ARHGEF18: variants seen among roughly 807,000 people sequenced by gnomAD.
ARHGEF18 encodes the protein rho guanine nucleotide exchange factor 18.
ARHGEF18 carries 93 observed loss-of-function variants against 155.7 expected under a neutral mutation model. The observed-to-expected ratio is 0.60, with a 90% CI of 0.50 to 0.71. The LOEUF is 0.71. Ranked by LOEUF, ARHGEF18 falls within the 30% of genes least tolerant of loss-of-function variation. The pLI is 0.00. For missense variants in ARHGEF18, 1,593 were observed against 1,816.1 expected, an observed-to-expected ratio of 0.88 and a Z score of 2.23; for synonymous variants, 742 against 753.1, an observed-to-expected ratio of 0.99 and a Z score of 0.24.
chr19:7,418,421 A>C (rs1180053490), intron 10 of ARHGEF18, among the ~76,000 whole-genome samples: 1 of 151,824 alleles, frequency 6.6e-6, no homozygotes, highest in African/African-American at 2.4e-5. Flanking sequence ...ATGCTTGACT[A>C]ATTTTTTACT....
chr19:7,470,181 C>T lies in ARHGEF18; in HGVS notation c.3969C>T (p.Phe1323=). The T allele has an allele frequency of 1.2e-6, 2 of 1,612,172 alleles. No individual in the cohort carries two copies. Among genetic ancestry groups the T allele is most frequent in the South Asian group, 1.1e-5 (1 of 91,056 alleles). The stretch of plus-strand genomic sequence containing the variant: ...CAGCTGACAGCCCCTCCGAGGGCTT[C>T]TCTCTCAAGGCCGGGGGCACAGCCC... ...PPPADSPSEG[F]SLKAGGTALL... is the part of the protein sequence containing the mutation. Residue 1323 remains phenylalanine, a synonymous_variant, in exon 29 of 29, where the codon TTC becomes TTT. Coordinates refer to ENST00000668164, the MANE Select transcript of ARHGEF18 (RefSeq NM_001367823.1). This position sits in a 1 kb window ranked among gnomAD's most constrained non-coding sequence, Gnocchi z 5.9.
rs1279086371 is a variant in ARHGEF18 at position 7,385,870 on chromosome 19, TCCC to T, written c.967+2671_967+2673del. Among the ~76,000 whole-genome samples the T allele has an allele frequency of 2.5e-3, 73 of 29,552 alleles. 7 individuals are homozygous for T. The highest frequency in any genetic ancestry group is 0.012 in the African/African-American group (61 of 5,286). 19.4% of individuals were successfully genotyped at this position (29,552 alleles called of 152,430 possible). On this transcript the variant is annotated intron_variant, in intron 10 of 28. Coordinates refer to ENST00000668164, the MANE Select transcript of ARHGEF18 (RefSeq NM_001367823.1). ...CTCTCTCTCTCTCTCTCTCTCTCTC[TCCC>T]CCCTCCCTCTCTCCCTCCCTCCCTC...
rs1974848871 is a variant in ARHGEF18 at position 7,444,196 on chromosome 19, C to A, written c.1361-8C>A. ...CATGGCTAAGTCCTGCCGTCTGTGT[C>A]CCTGCAGAGCTGATGCAGACAGAGG... On this transcript the variant is annotated splice_polypyrimidine_tract_variant and splice_region_variant and intron_variant, in intron 13 of 28. Transcript: ENST00000668164. The surrounding 1 kb of genome is among the most constrained non-coding windows in gnomAD (Gnocchi z 4.7). 5 of 1,610,302 alleles carry A rather than the reference C, an allele frequency of 3.1e-6. No individual in the cohort carries two copies. Among genetic ancestry groups the A allele is most frequent in the Non-Finnish European group, 4.2e-6 (5 of 1,177,678 alleles).
intron 27 of ARHGEF18, among the ~76,000 whole-genome samples, 189 bp from the exon 28 acceptor site, chr19:7,469,715 G>A (rs1021560203): frequency 2.2e-4 from 33 of 152,148 alleles, no homozygotes; most frequent in African/African-American, 7.5e-4. Flanking sequence ...AGGTCCTTCC[G>A]CAGGGAGGTT....
chr19:7,385,818 GATCTATCTCTCTCT>G lies in ARHGEF18; in HGVS notation c.967+2620_967+2633del, dbSNP rs1319210322. ...TTCAAAATTTCTATTTTAGAGATAGGATCTATCTCTCTCTATCTCTCTCTCTCTCTCTCTCTCTC... is the reference window on the plus strand; with the variant it reads ...TTCAAAATTTCTATTTTAGAGATAGGATCTCTCTCTCTCTCTCTCTCTCTC... On this transcript the variant is annotated intron_variant, in intron 10 of 28. Coordinates refer to ENST00000668164, the MANE Select transcript of ARHGEF18 (RefSeq NM_001367823.1). Among the ~76,000 whole-genome samples, 381 of 97,636 alleles carry G rather than the reference GATCTATCTCTCTCT, an allele frequency of 3.9e-3. 32 individuals carry two copies. Among genetic ancestry groups the G allele is most frequent in the African/African-American group, 0.018 (335 of 19,050 alleles). The allele number at this position is 97,636 out of a possible 152,430, so 64.1% of individuals were successfully genotyped here. A position where few individuals can be genotyped will look rare whatever the true frequency, so the allele number is the denominator to read the frequency against.
intron 8 of ARHGEF18, 115 bp downstream of exon 8, chr19:7,381,109 G>T: frequency 2.8e-6 from 2 of 722,030 alleles, no homozygotes; most frequent in South Asian, 7.4e-5. Context: ...GCCCCCATCA[G>T]GGCAATGGTG....
At chr19:7,445,878 C>G (rs2145801743) in intron 14 of ARHGEF18, among the ~76,000 whole-genome samples, 1 of 152,252 alleles carries the variant, frequency 6.6e-6, no homozygotes, top group South Asian at 2.1e-4. Context: ...CTGCCTCAGT[C>G]TCCCAAACTG....
At chr19:7,446,982 A>G (rs1975039711) in intron 14 of ARHGEF18, 61 bp from the exon 15 acceptor site, 3 of 1,575,746 alleles carry the variant, frequency 1.9e-6, no homozygotes, top group Admixed American at 1.9e-5. Flanking sequence ...GACGAATTAG[A>G]TGAAAATACT....
downstream of ARHGEF18, among the ~76,000 whole-genome samples, chr19:7,476,090 C>T (rs922769859): frequency 6.6e-6 from 1 of 152,196 alleles, no homozygotes; most frequent in African/African-American, 2.4e-5. Context: ...GCAGGCAGCT[C>T]ACTTGAAGCC....
intron 13 of ARHGEF18, among the ~76,000 whole-genome samples, chr19:7,442,534 C>G (rs1169353455): frequency 6.8e-6 from 1 of 146,092 alleles, no homozygotes; most frequent in Non-Finnish European, 1.5e-5. Context: ...GGTGCCTGGC[C>G]TCTCTCTGTC....
chr19:7,407,064 CAAA>C (rs3997572), intron 10 of ARHGEF18, among the ~76,000 whole-genome samples: 6 of 55,734 alleles, frequency 1.1e-4, no homozygotes, highest in Non-Finnish European at 8.1e-5. Flanking sequence ...GACTCCGTCT[CAAA>C]AAAAAAAAAA....
intron 10 of ARHGEF18, among the ~76,000 whole-genome samples, chr19:7,436,744 G>T (rs971378331): frequency 2.0e-5 from 3 of 152,138 alleles, no homozygotes; most frequent in African/African-American, 7.2e-5. Flanking sequence ...GTACGTTTAG[G>T]TCATAATTGC....
chr19:7,477,417 G>A (rs780780002), downstream of ARHGEF18: 32 of 1,475,680 alleles, frequency 2.2e-5, no homozygotes, highest in African/African-American at 2.0e-4. Context: ...ATGGCCCTCC[G>A]CTTGCCCCGG....
In ARHGEF18 at chr19:7,469,072, C is replaced by A. The variant is rs1430294992; in HGVS notation, c.3728C>A (p.Thr1243Asn). Reference sequence around the variant, plus strand: ...ATCCCCACCAAGCTGGCGGCCTCCACCAAGGGTGGCAAGGACAAGGGCGGC... The same window carrying A: ...ATCCCCACCAAGCTGGCGGCCTCCAACAAGGGTGGCAAGGACAAGGGCGGC... ...QQIPTKLAAS[T>N]KGGKDKGGKS... is the part of the protein sequence containing the mutation. The change falls in exon 27 of 29, where the codon ACC (threonine) becomes AAC (asparagine). Residue 1243 changes from threonine to asparagine, a missense_variant. Thr to Asn is a moderately conservative substitution (Grantham distance 65). Transcript: ENST00000668164. 1 of 1,608,936 alleles carries A rather than the reference C, an allele frequency of 6.2e-7. No homozygotes were observed. The highest frequency in any genetic ancestry group is 1.3e-5 in the African/African-American group (1 of 74,888).
chr19:7,448,241 C>T (rs758732765), intron 15 of ARHGEF18, among the ~76,000 whole-genome samples: 11 of 152,006 alleles, frequency 7.2e-5, no homozygotes, highest in African/African-American at 9.7e-5. Context: ...CAGATGGGCA[C>T]GGTGGCTCAC....
chr19:7,440,674 CGGGGTGTATT>C lies in ARHGEF18; in HGVS notation c.1106+193_1106+202del, dbSNP rs1248713562. 2.0e-5 allele frequency among the ~76,000 whole-genome samples: 3 copies of C among 152,132 alleles called. No individual in the cohort carries two copies. The highest frequency in any genetic ancestry group is 4.4e-5 in the Non-Finnish European group (3 of 68,018). ...CCTTTTTTGCAAAAACGATGTGTCC[CGGGGTGTATT>C]CGGCCCCTGGTGGAGCCAGTTTGCT... is the stretch of plus-strand genomic sequence containing the variant. On this transcript the variant is annotated intron_variant, in intron 11 of 28. Transcript: ENST00000668164. The surrounding 1 kb of genome is among the most constrained non-coding windows in gnomAD (Gnocchi z 5.4).
chr19:7,387,072 G>A (rs1055891962), intron 10 of ARHGEF18, among the ~76,000 whole-genome samples: 2 of 152,182 alleles, frequency 1.3e-5, no homozygotes, highest in South Asian at 2.1e-4. Context: ...CAGAACATGC[G>A]ACCTTGGAAA....
intron 11 of ARHGEF18, 105 bp from the exon 12 acceptor site, chr19:7,441,548 A>T: frequency 1.2e-6 from 1 of 821,428 alleles, no homozygotes; most frequent in Non-Finnish European, 2.0e-6. Context: ...GAGAGTTCTC[A>T]GAGAGTATCG....
intron 16 of ARHGEF18, among the ~76,000 whole-genome samples, chr19:7,453,016 T>C (rs1275697869): frequency 6.6e-6 from 1 of 151,460 alleles, no homozygotes; most frequent in African/African-American, 2.4e-5. Flanking sequence ...GCCAACATAG[T>C]GAAACCCCGT....
Sources: gnomAD v4.1 joint callset for allele counts (sites outside exome capture counted in the v4.1 genomes callset) on GRCh38, gnomAD v4.1.1 for gene constraint, Gnocchi (gnomAD v3.1) non-coding constraint, MANE v1.5 for transcripts, NCBI Gene and HGNC (gene_info 2026-07-23, HGNC 2026-07-21) for gene names.